The following NSG2 variants were observed in gnomAD, a reference collection of about 807,000 sequenced individuals.
NSG2 encodes the protein neuronal vesicle trafficking-associated protein 2.
Under a neutral mutation model 16.9 loss-of-function variants are expected in NSG2, and 4 were observed. The observed-to-expected ratio is 0.24, with a 90% CI of 0.12 to 0.54. The LOEUF (loss-of-function observed/expected upper bound fraction) is 0.54, where lower values mean the gene tolerates loss of function less well. Among genes scored for constraint, NSG2 ranks in the 20% least tolerant of loss-of-function variants. The pLI, the probability that NSG2 is intolerant of heterozygous loss-of-function variation, is 0.95. For synonymous variants in NSG2, 98 were observed against 88.7 expected (o/e 1.11, Z -0.59); for missense variants, 179 against 221.1 (o/e 0.81, Z 1.21).
At position 174,080,466 on chromosome 5, in the gene NSG2, ATT is replaced by A. The variant is rs541550744; in HGVS notation, c.213+16154_213+16155del. Among the ~76,000 whole-genome samples, 4 of 128,976 alleles carry A rather than the reference ATT, an allele frequency of 3.1e-5. No homozygotes were observed. In the South Asian group the frequency reaches 8.9e-4, roughly 29 times the overall value. 84.6% of individuals were successfully genotyped at this position (128,976 alleles called of 152,430 possible). A position where few individuals can be genotyped will look rare whatever the true frequency, so the allele number is the denominator to read the frequency against. On this transcript the variant is annotated intron_variant, in intron 3 of 4. Transcript: ENST00000303177. ...GATGCTACGTCTTTAAAATATTGAG[ATT>A]TTCTTTCTTTCCCTCTTTCTTTCTT... is the stretch of plus-strand genomic sequence containing the variant.
At position 174,108,998 on chromosome 5, in the gene NSG2, G is replaced by A. The variant is rs1761027495; in HGVS notation, c.*1493G>A. The A allele has an allele frequency of 6.5e-6, 1 of 152,768 alleles. No homozygotes were observed. The highest frequency in any genetic ancestry group is 1.5e-5 in the Non-Finnish European group (1 of 68,054). The allele number at this position is 152,768 out of a possible 1,614,324, so 9.5% of individuals were successfully genotyped here. The stretch of plus-strand genomic sequence containing the variant: ...TTCTCCCCCAACCTCCAATCACCCT[G>A]AGTCACCTGTAAATTCATTTGTCAT... On this transcript the variant is annotated 3_prime_UTR_variant, in exon 5 of 5. Coordinates refer to ENST00000303177, the MANE Select transcript of NSG2 (RefSeq NM_015980.5).
chr5:174,089,745 G>T (rs1263158849), intron 3 of NSG2, among the ~76,000 whole-genome samples: 1 of 152,118 alleles, frequency 6.6e-6, no homozygotes, highest in Non-Finnish European at 1.5e-5. Flanking sequence ...CTCCTGAGTA[G>T]CTGGGACTAC....
chr5:174,077,423 G>A (rs1323871976), intron 3 of NSG2, among the ~76,000 whole-genome samples: 1 of 151,982 alleles, frequency 6.6e-6, no homozygotes, highest in African/African-American at 2.4e-5. Context: ...CTATATACTT[G>A]GTCTCTCGAG....
intron 3 of NSG2, among the ~76,000 whole-genome samples, chr5:174,101,760 T>C (rs904931234): frequency 6.6e-6 from 1 of 152,366 alleles, no homozygotes; most frequent in East Asian, 1.9e-4. Context: ...AAAATTTTTT[T>C]ATATCTCTAC....
At chr5:174,080,520 T>TC (rs1561668590) in intron 3 of NSG2, among the ~76,000 whole-genome samples, 66 of 102,672 alleles carry the variant, frequency 6.4e-4, no homozygotes, top group Non-Finnish European at 1.2e-3. Flanking sequence ...TCCCTCTTTC[T>TC]TTCTTTCTCT....
Position 174,107,526 on chromosome 5 carries a change from G to C in NSG2, c.*21G>C. The C allele has an allele frequency of 3.1e-6, 5 of 1,589,390 alleles. No individual in the cohort carries two copies. The highest frequency in any genetic ancestry group is 1.3e-5 in the African/African-American group (1 of 74,330). On this transcript the variant is annotated 3_prime_UTR_variant, in exon 5 of 5. Transcript: ENST00000303177. The surrounding 1 kb of genome is among the most constrained non-coding windows in gnomAD (Gnocchi z 4.5). Reference sequence around the variant, plus strand: ...ACTAGAGGCCTGCCCCAGCCAGAATGGGGGGCGGGGTGGAGAGGAGGACCC... The same window carrying C: ...ACTAGAGGCCTGCCCCAGCCAGAATCGGGGGCGGGGTGGAGAGGAGGACCC...
intron 3 of NSG2, among the ~76,000 whole-genome samples, chr5:174,083,210 G>A (rs1422878715): frequency 3.9e-5 from 6 of 152,180 alleles, no homozygotes; most frequent in Non-Finnish European, 5.9e-5. Context: ...CCGACACCAC[G>A]TATACGTCAT....
chr5:174,099,432 C>T (rs1322723453), intron 3 of NSG2, among the ~76,000 whole-genome samples: 1 of 152,192 alleles, frequency 6.6e-6, no homozygotes, highest in Non-Finnish European at 1.5e-5. Context: ...CGCCCTACTA[C>T]ATCAGCCTTC....
intron 3 of NSG2, among the ~76,000 whole-genome samples, chr5:174,100,179 C>G (rs1203523806): frequency 6.6e-6 from 1 of 152,232 alleles, no homozygotes; most frequent in Non-Finnish European, 1.5e-5. Context: ...CTGGGCTGCA[C>G]CCGTAGCAAC....
chr5:174,106,789 T>TTCA (rs1310213310), intron 4 of NSG2, among the ~76,000 whole-genome samples: 1 of 151,952 alleles, frequency 6.6e-6, no homozygotes, highest in East Asian at 1.9e-4. Flanking sequence ...GAGATGGGGT[T>TTCA]TCACTCTGTT....
intron 2 of NSG2, 115 bp from the exon 3 acceptor site, chr5:174,064,117 G>A (rs917456137): frequency 3.9e-5 from 26 of 671,486 alleles, no homozygotes; most frequent in Non-Finnish European, 6.0e-5. Context: ...TTGAAGGGGG[G>A]TTCTTTATTT....
At chr5:174,088,709 A>G (rs1760672873) in intron 3 of NSG2, among the ~76,000 whole-genome samples, 1 of 152,144 alleles carries the variant, frequency 6.6e-6, no homozygotes, top group Non-Finnish European at 1.5e-5. Flanking sequence ...GCATTTCCAC[A>G]CAATGATTTC....
chr5:174,049,921 T>G (rs561801826), intron 2 of NSG2, among the ~76,000 whole-genome samples: 1 of 152,368 alleles, frequency 6.6e-6, no homozygotes, highest in East Asian at 1.9e-4. Flanking sequence ...CTTAGAATAG[T>G]GTCCAGATGA....
chr5:174,095,863 G>A (rs146895985), intron 3 of NSG2, among the ~76,000 whole-genome samples: 140 of 152,350 alleles, frequency 9.2e-4, no homozygotes, highest in African/African-American at 3.1e-3. Flanking sequence ...TATGCCCAAT[G>A]TGTGCAGTTA....
At chr5:174,105,875 G>C (rs1033608301) in intron 4 of NSG2, among the ~76,000 whole-genome samples, 1 of 152,084 alleles carries the variant, frequency 6.6e-6, no homozygotes, top group African/African-American at 2.4e-5. Context: ...ACTCCAGCCT[G>C]GGGGGACAGA....
chr5:174,107,953 A>G lies in NSG2; in HGVS notation c.*448A>G. Reference sequence around the variant, plus strand: ...AAAACGTAGCTTCAGTGGGGGCTCCAGGGTTGCAGAGTATGAGTGACACAG... The same window carrying G: ...AAAACGTAGCTTCAGTGGGGGCTCCGGGGTTGCAGAGTATGAGTGACACAG... On this transcript the variant is annotated 3_prime_UTR_variant, in exon 5 of 5. Coordinates refer to ENST00000303177, the MANE Select transcript of NSG2 (RefSeq NM_015980.5). The surrounding 1 kb of genome is among the most constrained non-coding windows in gnomAD (Gnocchi z 4.5). The G allele has an allele frequency of 2.7e-6, 1 of 365,080 alleles. No individual in the cohort carries two copies. Among genetic ancestry groups the G allele is most frequent in the Non-Finnish European group, 5.3e-6 (1 of 187,716 alleles). The allele number at this position is 365,080 out of a possible 1,614,324, so 22.6% of individuals were successfully genotyped here.
chr5:174,080,654 C>T (rs920121156), intron 3 of NSG2, among the ~76,000 whole-genome samples: 5 of 151,826 alleles, frequency 3.3e-5, no homozygotes, highest in African/African-American at 9.7e-5. Context: ...CTCCACCTCC[C>T]GGGTTCAAGT....
In NSG2 at chr5:174,075,891, C is replaced by T. The variant is rs148825724; in HGVS notation, c.213+11576C>T. Among the ~76,000 whole-genome samples, 7 of 152,276 alleles carry T rather than the reference C, an allele frequency of 4.6e-5. No homozygotes were observed. The East Asian group carries it at 5.8e-4, about 13-fold the overall frequency. ...GTTATAGCAACTGCCATGTAGGCCT[C>T]GCTTCCTCCTGGGGATGCTGAGCGC... On this transcript the variant is annotated intron_variant, in intron 3 of 4. Transcript: ENST00000303177.
intron 2 of NSG2, among the ~76,000 whole-genome samples, chr5:174,053,407 G>A (rs1759922109): frequency 6.6e-6 from 1 of 152,186 alleles, no homozygotes; most frequent in Admixed American, 6.5e-5. Flanking sequence ...TGTGGGGCGG[G>A]GTGGGGCCTG....
Sources: allele counts gnomAD v4.1 joint callset (sites outside exome capture counted in the v4.1 genomes callset), GRCh38; gene constraint gnomAD v4.1.1; non-coding constraint Gnocchi (gnomAD v3.1); transcripts MANE v1.5; gene names NCBI Gene and HGNC (gene_info 2026-07-23, HGNC 2026-07-21).